Variants in SLC35F3 observed in about 807,000 individuals in gnomAD.
SLC35F3 encodes putative thiamine transporter SLC35F3.
Under a neutral mutation model 49.9 loss-of-function variants are expected in SLC35F3, and 25 were observed. That is an observed-to-expected ratio of 0.50 (90% confidence interval 0.37 to 0.70). The LOEUF is 0.70. SLC35F3 is among the 30% of genes least tolerant of loss of function. SLC35F3 has a pLI of 0.00. For missense variants in SLC35F3, 525 were observed against 639.8 expected (o/e 0.82, Z 1.94); for synonymous variants, 275 against 265.4 (o/e 1.04, Z -0.35).
intron 3 of SLC35F3, chr1:234,261,676 G>T (rs1667908224): frequency 6.6e-6 from 1 of 152,040 alleles, no homozygotes; most frequent in South Asian, 2.1e-4. Context: ...CTAACCTCCT[G>T]GGGATGCAGC....
chr1:234,282,572 C>T (rs1668346001), intron 3 of SLC35F3, among the ~76,000 whole-genome samples: 1 of 152,210 alleles, frequency 6.6e-6, no homozygotes, highest in African/African-American at 2.4e-5. Context: ...AGGTGTGTCT[C>T]CCTCAACCAG....
chr1:234,255,573 T>G (rs907677272), intron 3 of SLC35F3, among the ~76,000 whole-genome samples: 3 of 152,234 alleles, frequency 2.0e-5, no homozygotes, highest in African/African-American at 7.2e-5. Flanking sequence ...GCAGCTTTAT[T>G]CATAATTGCC....
intron 2 of SLC35F3, among the ~76,000 whole-genome samples, chr1:234,035,525 T>G (rs956133847): frequency 6.6e-6 from 1 of 152,226 alleles, no homozygotes; most frequent in Non-Finnish European, 1.5e-5. Flanking sequence ...CTTCTTGAAT[T>G]GTATTATAAA....
chr1:234,089,183 A>T (rs1193970067), intron 2 of SLC35F3, among the ~76,000 whole-genome samples: 1 of 152,208 alleles, frequency 6.6e-6, no homozygotes, highest in Non-Finnish European at 1.5e-5. Flanking sequence ...CACCGAGCAT[A>T]GTCCCAGCTC....
At chr1:234,189,084 T>C (rs982423697) in intron 2 of SLC35F3, among the ~76,000 whole-genome samples, 4 of 152,066 alleles carry the variant, frequency 2.6e-5, no homozygotes, top group Non-Finnish European at 5.9e-5. Context: ...ATCTTCCCTC[T>C]GACATAGCCT....
At chr1:234,079,286 A>G (rs1017870409) in intron 2 of SLC35F3, among the ~76,000 whole-genome samples, 13 of 152,208 alleles carry the variant, frequency 8.5e-5, no homozygotes, top group Admixed American at 3.3e-4. Context: ...GTGTGAGATT[A>G]GGGGTCTAAC....
rs566011949 is a variant in SLC35F3 at position 234,115,894 on chromosome 1, G to A, written c.284-115523G>A. Among the ~76,000 whole-genome samples the A allele has an allele frequency of 5.9e-5, 9 of 152,268 alleles. No homozygotes were observed. The South Asian group carries it at 1.5e-3, about 25-fold the overall frequency. On this transcript the variant is annotated intron_variant, in intron 2 of 7. Transcript: ENST00000366618. ...ACCTGGGAAAAAGCAACAGAAACCTGCAGGAACAATCTGTGATCCGAGCTT... is the reference window on the plus strand; with the variant it reads ...ACCTGGGAAAAAGCAACAGAAACCTACAGGAACAATCTGTGATCCGAGCTT...
intron 2 of SLC35F3, among the ~76,000 whole-genome samples, chr1:234,051,319 C>T (rs1664372924): frequency 6.6e-6 from 1 of 152,136 alleles, no homozygotes; most frequent in African/African-American, 2.4e-5. Flanking sequence ...TTTCATTGAG[C>T]AGTGGTTTGT....
chr1:234,108,926 C>CT (rs1342069950), intron 2 of SLC35F3, among the ~76,000 whole-genome samples: 1 of 151,274 alleles, frequency 6.6e-6, no homozygotes, highest in East Asian at 1.9e-4. Flanking sequence ...CACAGTCGTT[C>CT]TGATCATTTA....
chr1:234,205,339 C>T (rs767730907), intron 2 of SLC35F3, among the ~76,000 whole-genome samples: 5 of 152,294 alleles, frequency 3.3e-5, no homozygotes, highest in South Asian at 2.1e-4. Flanking sequence ...TGGCTTCTTT[C>T]GGTGAGGTGG....
chr1:233,933,960 C>G (rs1021737420), intron 2 of SLC35F3, among the ~76,000 whole-genome samples: 1 of 152,168 alleles, frequency 6.6e-6, no homozygotes, highest in Admixed American at 6.5e-5. Flanking sequence ...TAGAGATCAT[C>G]TAATGTTTTG....
intron 2 of SLC35F3, among the ~76,000 whole-genome samples, chr1:234,176,635 A>C (rs1666480180): frequency 6.6e-6 from 1 of 152,158 alleles, no homozygotes; most frequent in South Asian, 2.1e-4. Flanking sequence ...AGGTGGGCTG[A>C]CAGGGAGCTG....
Position 234,238,506 on chromosome 1 carries a change from G to C in SLC35F3, c.608+6765G>C, listed in dbSNP as rs572545329. 1.6e-4 allele frequency among the ~76,000 whole-genome samples: 24 copies of C among 152,268 alleles called. 1 individual carries two copies. The South Asian group carries it at 4.3e-3, about 28-fold the overall frequency. ...ACATCGTCCACATGCCCCAGATTGT[G>C]ACATCACCGTCTGAGTTTACACCAG... On this transcript the variant is annotated intron_variant, in intron 3 of 7. Coordinates refer to ENST00000366618, the MANE Select transcript of SLC35F3 (RefSeq NM_173508.4).
chr1:234,273,944 G>A (rs1668154302), intron 3 of SLC35F3, among the ~76,000 whole-genome samples: 1 of 152,026 alleles, frequency 6.6e-6, no homozygotes, highest in South Asian at 2.1e-4. Flanking sequence ...GCACATGGTA[G>A]CATTTGTGTA....
At chr1:233,907,751 C>T (rs545081688) in intron 2 of SLC35F3, among the ~76,000 whole-genome samples, 4 of 152,136 alleles carry the variant, frequency 2.6e-5, no homozygotes, top group Admixed American at 6.5e-5. Flanking sequence ...GGGAGTCTCA[C>T]TCTGTCACCC....
intron 2 of SLC35F3, among the ~76,000 whole-genome samples, chr1:234,097,051 G>A (rs1665135970): frequency 6.6e-6 from 1 of 152,008 alleles, no homozygotes; most frequent in Non-Finnish European, 1.5e-5. Flanking sequence ...CACCAGGCAT[G>A]GCTAATTTTG....
chr1:233,912,613 C>T (rs1361863328), intron 2 of SLC35F3, among the ~76,000 whole-genome samples: 1 of 152,188 alleles, frequency 6.6e-6, no homozygotes, highest in Non-Finnish European at 1.5e-5. Context: ...TTCCAGGCCC[C>T]CCAGTGGATA....
intron 2 of SLC35F3, among the ~76,000 whole-genome samples, chr1:233,980,284 A>T (rs1663161713): frequency 6.6e-6 from 1 of 152,204 alleles, no homozygotes; most frequent in Non-Finnish European, 1.5e-5. Flanking sequence ...TTCAAGAGCA[A>T]GCAGCCTGGC....
At chr1:234,100,364 A>C (rs975566600) in intron 2 of SLC35F3, among the ~76,000 whole-genome samples, 2 of 152,202 alleles carry the variant, frequency 1.3e-5, no homozygotes, top group Admixed American at 1.3e-4. Context: ...ATTATTATTT[A>C]GATGCACCTA....
Sources: allele counts gnomAD v4.1 joint callset (sites outside exome capture counted in the v4.1 genomes callset), GRCh38; gene constraint gnomAD v4.1.1; transcripts MANE v1.5; gene names NCBI Gene and HGNC (gene_info 2026-07-23, HGNC 2026-07-21).